Variants in PIK3R1 observed in about 807,000 individuals in gnomAD.
PIK3R1 encodes the protein phosphoinositide-3-kinase regulatory subunit 1.
A neutral mutation model predicts 98.0 loss-of-function variants in PIK3R1; 29 were observed. That is an observed-to-expected ratio of 0.30 (90% CI 0.22 to 0.40). PIK3R1 has a LOEUF of 0.40. PIK3R1 is among the 10% of genes least tolerant of loss of function. The probability of loss-of-function intolerance (pLI) is 1.00; values close to 1 mark genes in which losing one functional copy is unlikely to be tolerated. For missense variants in PIK3R1, 596 were observed against 872.7 expected, an observed-to-expected ratio of 0.68 and a Z score of 3.99; for synonymous variants, 282 against 311.8, an observed-to-expected ratio of 0.90 and a Z score of 1.01.
chr5:68,249,986 G>T (rs1745242448), intron 2 of PIK3R1, among the ~76,000 whole-genome samples: 1 of 152,116 alleles, frequency 6.6e-6, no homozygotes, highest in Non-Finnish European at 1.5e-5. Context: ...TGGATTCTGG[G>T]GTCACCAAAG....
chr5:68,301,481 TATGTATATATATGCAC>T lies in PIK3R1; in HGVS notation c.*3883_*3898del, dbSNP rs1748094558. The stretch of plus-strand genomic sequence containing the variant: ...GTGTATATATATATGTATATACATA[TATGTATATATATGCAC>T]ATATATATATGTATTTAAAAAAATC... On this transcript the variant is annotated 3_prime_UTR_variant, in exon 16 of 16. Transcript: ENST00000521381. The T allele has an allele frequency of 7.1e-6, 1 of 140,456 alleles. No individual in the cohort carries two copies. Among genetic ancestry groups the T allele is most frequent in the African/African-American group, 2.7e-5 (1 of 36,852 alleles). The allele number at this position is 140,456 out of a possible 1,614,324, so 8.7% of individuals were successfully genotyped here.
intron 2 of PIK3R1, among the ~76,000 whole-genome samples, chr5:68,228,035 C>T (rs1744346703): frequency 6.6e-6 from 1 of 152,170 alleles, no homozygotes; most frequent in Admixed American, 6.5e-5. Flanking sequence ...ACTAGTAAAT[C>T]ACACGCATTT....
chr5:68,298,371 CTGTTT>C lies in PIK3R1; in HGVS notation c.*778_*782del. The C allele has an allele frequency of 4.3e-6, 1 of 233,268 alleles. No homozygotes were observed. Among genetic ancestry groups the C allele is most frequent in the Middle Eastern group, 1.3e-3 (1 of 784 alleles). 14.4% of individuals were successfully genotyped at this position (233,268 alleles called of 1,614,324 possible). A position where few individuals can be genotyped will look rare whatever the true frequency, so the allele number is the denominator to read the frequency against. On this transcript the variant is annotated 3_prime_UTR_variant, in exon 16 of 16. Transcript: ENST00000521381. Reference sequence around the variant, plus strand: ...GATTTGTATCAATACCAAATAGCTTCTGTTTTGTTTTGCTGAAGGCTAAATTCACA... The same window carrying C: ...GATTTGTATCAATACCAAATAGCTTCTGTTTTGCTGAAGGCTAAATTCACA...
intron 1 of PIK3R1, among the ~76,000 whole-genome samples, chr5:68,218,260 C>T (rs1159893952): frequency 1.3e-5 from 2 of 152,136 alleles, no homozygotes; most frequent in Non-Finnish European, 2.9e-5. Context: ...GTCAGTTTCA[C>T]CTAACGTGAT....
chr5:68,265,894 C>A (rs561287453), intron 2 of PIK3R1, among the ~76,000 whole-genome samples: 69 of 152,258 alleles, frequency 4.5e-4, no homozygotes, highest in East Asian at 1.2e-3. Context: ...AGAGAAAAAA[C>A]CCCCTACTCT....
intron 2 of PIK3R1, among the ~76,000 whole-genome samples, chr5:68,240,099 ATTAC>A (rs1299679433): frequency 2.0e-5 from 3 of 149,716 alleles, no homozygotes; most frequent in Non-Finnish European, 3.0e-5. Context: ...TTATATATAT[ATTAC>A]TTATATATAA....
chr5:68,263,838 C>T (rs1746007871), intron 2 of PIK3R1, among the ~76,000 whole-genome samples: 1 of 152,124 alleles, frequency 6.6e-6, no homozygotes, highest in Non-Finnish European at 1.5e-5. Context: ...CTCTGCAATT[C>T]CACACACAGG....
At chr5:68,257,697 A>G (rs976795926) in intron 2 of PIK3R1, among the ~76,000 whole-genome samples, 1 of 152,190 alleles carries the variant, frequency 6.6e-6, no homozygotes, top group Non-Finnish European at 1.5e-5. Context: ...AGAAGATTCC[A>G]TGTCTATAAT....
In PIK3R1 at chr5:68,279,815, A is replaced by G. The variant is rs8192680; in HGVS notation, c.634+82A>G. On this transcript the variant is annotated intron_variant, in intron 5 of 15. Transcript: ENST00000521381. ...TTGTATATGTCTTGCATATATAGAA[A>G]TAGTGGTTAGAAAATAGTAGTAATA... The G allele has an allele frequency of 6.6e-6, 9 of 1,357,080 alleles. No individual in the cohort carries two copies. In the Admixed American group the frequency reaches 1.5e-4, roughly 23 times the overall value. The allele number at this position is 1,357,080 out of a possible 1,614,324, so 84.1% of individuals were successfully genotyped here. A position where few individuals can be genotyped will look rare whatever the true frequency, so the allele number is the denominator to read the frequency against.
intron 12 of PIK3R1, 139 bp downstream of exon 12, chr5:68,294,817 G>T (rs532890071): frequency 1.9e-6 from 1 of 530,786 alleles, no homozygotes. Flanking sequence ...TGGTGGGGTG[G>T]GGGGAGGAGG....
chr5:68,262,714 T>G lies in PIK3R1; in HGVS notation c.335-10676T>G, dbSNP rs1745856902. Among the ~76,000 whole-genome samples the G allele has an allele frequency of 2.1e-5, 3 of 141,994 alleles. 1 individual carries two copies. The highest frequency in any genetic ancestry group is 1.4e-4 in the Admixed American group (2 of 14,364). The allele number at this position is 141,994 out of a possible 152,430, so 93.2% of individuals were successfully genotyped here. A position where few individuals can be genotyped will look rare whatever the true frequency, so the allele number is the denominator to read the frequency against. ...GTATACACATGTAGATGCATGTAGATGCATGTATACATATATACATGTAGA... is the reference window on the plus strand; with the variant it reads ...GTATACACATGTAGATGCATGTAGAGGCATGTATACATATATACATGTAGA... On this transcript the variant is annotated intron_variant, in intron 2 of 15. Transcript: ENST00000521381.
At chr5:68,261,428 G>T (rs1291243119) in intron 2 of PIK3R1, among the ~76,000 whole-genome samples, 4 of 151,918 alleles carry the variant, frequency 2.6e-5, no homozygotes, top group Admixed American at 2.0e-4. Context: ...TTCTACTAGT[G>T]CACAGTGCCT....
Position 68,295,086 on chromosome 5 carries a change from A to G in PIK3R1, c.1569-62A>G, listed in dbSNP as rs114140961. 1.7e-3 allele frequency: 2,339 copies of G among 1,376,940 alleles called. 33 individuals are homozygous for G. In the African/African-American group the frequency reaches 0.029, roughly 17 times the overall value. The allele number at this position is 1,376,940 out of a possible 1,614,324, so 85.3% of individuals were successfully genotyped here. On this transcript the variant is annotated intron_variant, in intron 12 of 15. Transcript: ENST00000521381. ...GGGAAACCATAGTGAAACTTTTCAT[A>G]AACTTTGGGGACCGTTCCTGATGTA...
At chr5:68,270,790 TGTATTC>T (rs1007636299) in intron 2 of PIK3R1, among the ~76,000 whole-genome samples, 1 of 152,210 alleles carries the variant, frequency 6.6e-6, no homozygotes, top group Non-Finnish European at 1.5e-5. Flanking sequence ...GATATTTCAT[TGTATTC>T]AGTGTAGAAG....
chr5:68,289,612 A>C (rs2112232361), intron 7 of PIK3R1, among the ~76,000 whole-genome samples: 1 of 152,060 alleles, frequency 6.6e-6, no homozygotes, highest in Non-Finnish European at 1.5e-5. Flanking sequence ...ATTGGTTCAC[A>C]ATGAGAATGT....
intron 2 of PIK3R1, among the ~76,000 whole-genome samples, chr5:68,259,733 G>A (rs116791377): frequency 0.014 from 2,191 of 152,128 alleles, 26 homozygotes; most frequent in Middle Eastern, 0.017. Flanking sequence ...CCTGGCTCTT[G>A]GCAGTCAATG....
At chr5:68,252,130 C>T (rs1296630111) in intron 2 of PIK3R1, among the ~76,000 whole-genome samples, 1 of 152,188 alleles carries the variant, frequency 6.6e-6, no homozygotes, top group Admixed American at 6.5e-5. Flanking sequence ...TGGCCCCTTG[C>T]ATCCTTCATC....
chr5:68,218,931 TATC>T (rs1743997379), intron 1 of PIK3R1, among the ~76,000 whole-genome samples: 1 of 152,248 alleles, frequency 6.6e-6, no homozygotes, highest in South Asian at 2.1e-4. Flanking sequence ...AAAGTATTCA[TATC>T]ATTTACTGCA....
At chr5:68,237,784 C>CT (rs1744722322) in intron 2 of PIK3R1, among the ~76,000 whole-genome samples, 1 of 151,956 alleles carries the variant, frequency 6.6e-6, no homozygotes, top group Admixed American at 6.6e-5. Context: ...CTACTGTAAA[C>CT]TCAACAGAAC....
Sources: gnomAD v4.1 joint callset for allele counts (sites outside exome capture counted in the v4.1 genomes callset) on GRCh38, gnomAD v4.1.1 for gene constraint, MANE v1.5 for transcripts, NCBI Gene and HGNC (gene_info 2026-07-23, HGNC 2026-07-21) for gene names.